Variants in SLC2A13 observed in about 807,000 individuals in gnomAD.
The protein encoded by SLC2A13 is proton myo-inositol cotransporter.
A neutral mutation model predicts 64.4 loss-of-function variants in SLC2A13; 32 were observed. The observed-to-expected ratio is 0.50, with a 90% CI of 0.37 to 0.67. SLC2A13 has a LOEUF of 0.67. SLC2A13 is among the 30% of genes least tolerant of loss of function. The pLI is 0.00. For synonymous variants in SLC2A13, 338 were observed against 327.1 expected (o/e 1.03, Z -0.36); for missense variants, 743 against 829.2 (o/e 0.90, Z 1.28).
chr12:39,812,287 A>G (rs1942186176), intron 7 of SLC2A13, among the ~76,000 whole-genome samples: 1 of 151,108 alleles, frequency 6.6e-6, no homozygotes, highest in Non-Finnish European at 1.5e-5. Flanking sequence ...TGACCTAATC[A>G]CCTCCCAAAG....
At chr12:39,946,820 C>T (rs1283461696) in intron 4 of SLC2A13, among the ~76,000 whole-genome samples, 1 of 152,208 alleles carries the variant, frequency 6.6e-6, no homozygotes, top group African/African-American at 2.4e-5. Flanking sequence ...TTTAGTTTTT[C>T]CCCCGGCCTG....
rs370292251 is a variant in SLC2A13 at position 40,048,214 on chromosome 12, T to G, written c.557-4A>C. The G allele has an allele frequency of 1.3e-6, 2 of 1,586,614 alleles. No individual in the cohort carries two copies. The highest frequency in any genetic ancestry group is 2.7e-5 in the African/African-American group (2 of 73,360). ...GGCACTGTCATAGAAGCAATGCCTA[T>G]AAAAACAATGAAAAGTAAATGTGAG... On this transcript the variant is annotated splice_region_variant and splice_polypyrimidine_tract_variant and intron_variant, in intron 1 of 9. Coordinates refer to ENST00000280871, the MANE Select transcript of SLC2A13 (RefSeq NM_052885.4).
At chr12:39,909,991 CT>C (rs1466846726) in intron 4 of SLC2A13, among the ~76,000 whole-genome samples, 2 of 151,374 alleles carry the variant, frequency 1.3e-5, no homozygotes, top group African/African-American at 2.4e-5. Flanking sequence ...TCATAGATAT[CT>C]TTTTTAAAAA....
intron 1 of SLC2A13, among the ~76,000 whole-genome samples, chr12:40,104,637 G>C (rs1939243704): frequency 6.6e-6 from 1 of 152,146 alleles, no homozygotes; most frequent in Non-Finnish European, 1.5e-5. Context: ...AATTTACTTG[G>C]GAAAAGAATG....
chr12:39,848,027 G>A (rs531607168), intron 6 of SLC2A13, among the ~76,000 whole-genome samples: 6 of 152,142 alleles, frequency 3.9e-5, no homozygotes, highest in African/African-American at 1.4e-4. Flanking sequence ...TCAGTAATGT[G>A]TGCCAAATGA....
At chr12:40,047,417 A>G (rs1948187868) in intron 2 of SLC2A13, among the ~76,000 whole-genome samples, 1 of 152,212 alleles carries the variant, frequency 6.6e-6, no homozygotes, top group Admixed American at 6.5e-5. Flanking sequence ...TCTCTGGAAC[A>G]GTTACATGAG....
intron 3 of SLC2A13, among the ~76,000 whole-genome samples, chr12:39,962,444 T>A (rs1174611443): frequency 6.6e-6 from 1 of 152,166 alleles, no homozygotes; most frequent in Admixed American, 6.5e-5. Flanking sequence ...AATTTCCAGA[T>A]CCCATATAGA....
Position 40,098,062 on chromosome 12 carries a change from T to C in SLC2A13, c.556+7191A>G, listed in dbSNP as rs1939016425. Among the ~76,000 whole-genome samples the C allele has an allele frequency of 2.0e-5, 3 of 151,152 alleles. No individual in the cohort carries two copies. In the South Asian group the frequency reaches 6.2e-4, roughly 31 times the overall value. ...ATGTATATATGTGTATATATGTATA[T>C]ATGTGTATATATATGTATATATGCA... On this transcript the variant is annotated intron_variant, in intron 1 of 9. Coordinates refer to ENST00000280871, the MANE Select transcript of SLC2A13 (RefSeq NM_052885.4).
chr12:39,975,170 A>C (rs1946738200), intron 3 of SLC2A13, among the ~76,000 whole-genome samples: 2 of 152,210 alleles, frequency 1.3e-5, no homozygotes, highest in African/African-American at 4.8e-5. Flanking sequence ...ATAGATATGA[A>C]GGACAAATTT....
chr12:39,759,864 A>G lies in SLC2A13; in HGVS notation c.*162T>C. 1.7e-6 allele frequency: 1 copy of G among 579,320 alleles called. No individual in the cohort carries two copies. The allele number at this position is 579,320 out of a possible 1,614,324, so 35.9% of individuals were successfully genotyped here. On this transcript the variant is annotated 3_prime_UTR_variant, in exon 10 of 10. Transcript: ENST00000280871. ...TTGTTCCTTGTGGAAAAAAAAAGTC[A>G]TCATGGTTGTATCTTCCTCCTAATC...
chr12:39,923,694 G>GCACACACACACACA lies in SLC2A13; in HGVS notation c.1034+27562_1034+27563insTGTGTGTGTGTGTG, dbSNP rs200530373. Among the ~76,000 whole-genome samples the GCACACACACACACA allele has an allele frequency of 5.8e-3, 791 of 137,312 alleles. 6 individuals carry two copies. Among genetic ancestry groups the GCACACACACACACA allele is most frequent in the East Asian group, 0.018 (80 of 4,522 alleles). 90.1% of individuals were successfully genotyped at this position (137,312 alleles called of 152,430 possible). ...TATATATATATATATATATGCGCAC[G>GCACACACACACACA]CGCACACACACACACACACACACAC... is the stretch of plus-strand genomic sequence containing the variant. On this transcript the variant is annotated intron_variant, in intron 4 of 9. Transcript: ENST00000280871.
chr12:40,001,915 A>C (rs1947326940), intron 3 of SLC2A13, among the ~76,000 whole-genome samples: 1 of 152,218 alleles, frequency 6.6e-6, no homozygotes, highest in African/African-American at 2.4e-5. Context: ...AAACATAATA[A>C]AGTTTCAAAG....
intron 1 of SLC2A13, among the ~76,000 whole-genome samples, chr12:40,093,343 T>C (rs1565624715): frequency 6.6e-6 from 1 of 152,198 alleles, no homozygotes; most frequent in Non-Finnish European, 1.5e-5. Flanking sequence ...AATTATTCCT[T>C]AGGATTATAC....
intron 3 of SLC2A13, among the ~76,000 whole-genome samples, chr12:39,989,962 T>C (rs1278861481): frequency 6.6e-6 from 1 of 152,192 alleles, no homozygotes; most frequent in Non-Finnish European, 1.5e-5. Flanking sequence ...TTGGGTTTTT[T>C]GGCCACAAAA....
At chr12:39,798,765 T>C (rs1941668322) in intron 7 of SLC2A13, among the ~76,000 whole-genome samples, 1 of 152,166 alleles carries the variant, frequency 6.6e-6, no homozygotes, top group Non-Finnish European at 1.5e-5. Flanking sequence ...AAAAATCTTT[T>C]ACATTCCTTT....
At chr12:39,776,466 C>A (rs1289082514) in intron 7 of SLC2A13, among the ~76,000 whole-genome samples, 1 of 152,148 alleles carries the variant, frequency 6.6e-6, no homozygotes, top group Non-Finnish European at 1.5e-5. Flanking sequence ...GTGCTGTATA[C>A]CAGAGAATGA....
At chr12:39,761,903 G>A (rs897506318) in intron 9 of SLC2A13, among the ~76,000 whole-genome samples, 5 of 152,036 alleles carry the variant, frequency 3.3e-5, no homozygotes, top group Non-Finnish European at 7.4e-5. Context: ...TTTGGGAACA[G>A]TAGCATAATT....
Position 39,764,389 on chromosome 12 carries a change from G to C in SLC2A13, c.1720+71C>G, listed in dbSNP as rs1940273214. 2.3e-6 allele frequency: 3 copies of C among 1,292,226 alleles called. No individual in the cohort carries two copies. The Admixed American group carries it at 8.5e-5, about 36-fold the overall frequency. The allele number at this position is 1,292,226 out of a possible 1,614,324, so 80.0% of individuals were successfully genotyped here. On this transcript the variant is annotated intron_variant, in intron 9 of 9. Coordinates refer to ENST00000280871, the MANE Select transcript of SLC2A13 (RefSeq NM_052885.4). ...TAACCACATAGTCTCAATCACAAAT[G>C]ATATTATAGTGTATCTAAAAATAGT...
chr12:40,058,385 A>G (rs1047056529), intron 1 of SLC2A13, among the ~76,000 whole-genome samples: 1 of 152,124 alleles, frequency 6.6e-6, no homozygotes, highest in African/African-American at 2.4e-5. Context: ...ATACTTTTAA[A>G]TTAGAAAATA....
Sources: gnomAD v4.1 joint callset for allele counts (sites outside exome capture counted in the v4.1 genomes callset) on GRCh38, gnomAD v4.1.1 for gene constraint, MANE v1.5 for transcripts, NCBI Gene and HGNC (gene_info 2026-07-23, HGNC 2026-07-21) for gene names.